Variants in RUNDC3B observed in about 807,000 individuals in gnomAD.
RUNDC3B encodes the protein RUN domain containing 3B.
In RUNDC3B, 33 loss-of-function variants were observed where a neutral mutation model predicts 58.4. The observed-to-expected ratio is 0.56, with a 90% CI of 0.43 to 0.75. The LOEUF (loss-of-function observed/expected upper bound fraction) is 0.75, where lower values mean the gene tolerates loss of function less well. RUNDC3B is among the 30% of genes least tolerant of loss of function. The pLI, the probability that RUNDC3B is intolerant of heterozygous loss-of-function variation, is 0.00. For missense variants in RUNDC3B, 501 were observed against 535.7 expected (o/e 0.94, Z 0.64); for synonymous variants, 193 against 195.2 (o/e 0.99, Z 0.10).
chr7:87,804,126 A>G (rs1203508586), intron 8 of RUNDC3B, among the ~76,000 whole-genome samples: 1 of 152,190 alleles, frequency 6.6e-6, no homozygotes, highest in Non-Finnish European at 1.5e-5. Context: ...GAACAGAAGT[A>G]GTCTGAAGAT....
At chr7:87,822,677 G>T (rs1173226875) in intron 10 of RUNDC3B, among the ~76,000 whole-genome samples, 1 of 152,154 alleles carries the variant, frequency 6.6e-6, no homozygotes, top group Non-Finnish European at 1.5e-5. Flanking sequence ...AGAAAATGTG[G>T]CACATATACA....
chr7:87,734,588 G>GCTAATTTCATGATTA (rs915790489), intron 4 of RUNDC3B, among the ~76,000 whole-genome samples: 2 of 151,916 alleles, frequency 1.3e-5, no homozygotes, highest in African/African-American at 4.8e-5. Context: ...CTCTACCAAT[G>GCTAATTTCATGATTA]CTAATTTCAT....
At chr7:87,724,330 G>C (rs1351608764) in intron 4 of RUNDC3B, among the ~76,000 whole-genome samples, 2 of 152,000 alleles carry the variant, frequency 1.3e-5, no homozygotes, top group South Asian at 2.1e-4. Flanking sequence ...CTAAAAGCAG[G>C]GATAGTTGTG....
intron 6 of RUNDC3B, among the ~76,000 whole-genome samples, chr7:87,760,136 A>T (rs1833596558): frequency 6.6e-6 from 1 of 151,512 alleles, no homozygotes; most frequent in Non-Finnish European, 1.5e-5. Flanking sequence ...ATCAATTACC[A>T]TAACTATAAC....
At chr7:87,749,925 T>A (rs925229508) in intron 6 of RUNDC3B, among the ~76,000 whole-genome samples, 5 of 152,002 alleles carry the variant, frequency 3.3e-5, no homozygotes, top group African/African-American at 4.8e-5. Context: ...ATGTGCACAA[T>A]GTGCAGGTTA....
chr7:87,799,060 A>G (rs1176760435), intron 8 of RUNDC3B, among the ~76,000 whole-genome samples: 2 of 152,226 alleles, frequency 1.3e-5, no homozygotes, highest in Non-Finnish European at 1.5e-5. Flanking sequence ...ATGTTTTCCA[A>G]TTCCAGGAAG....
chr7:87,689,132 A>T (rs1360774288), intron 2 of RUNDC3B, among the ~76,000 whole-genome samples: 1 of 152,090 alleles, frequency 6.6e-6, no homozygotes, highest in African/African-American at 2.4e-5. Flanking sequence ...AGATGATACT[A>T]TGAAAAGAGT....
chr7:87,649,967 A>G (rs1823413146), intron 1 of RUNDC3B, among the ~76,000 whole-genome samples: 1 of 152,188 alleles, frequency 6.6e-6, no homozygotes, highest in Non-Finnish European at 1.5e-5. Flanking sequence ...CCAGCCATGT[A>G]GAACAGTGAG....
chr7:87,679,110 T>G (rs999455438), intron 2 of RUNDC3B, among the ~76,000 whole-genome samples: 50 of 65,898 alleles, frequency 7.6e-4, no homozygotes, highest in African/African-American at 2.9e-3. Context: ...TTTTTTTTTT[T>G]GAGACAGAGT....
chr7:87,758,804 C>T (rs1833520729), intron 6 of RUNDC3B, among the ~76,000 whole-genome samples: 1 of 152,088 alleles, frequency 6.6e-6, no homozygotes, highest in Non-Finnish European at 1.5e-5. Context: ...GTTAAAATGT[C>T]CTTTATTCAA....
At chr7:87,779,023 C>T (rs117217285) in intron 8 of RUNDC3B, among the ~76,000 whole-genome samples, 4,570 of 152,214 alleles carry the variant, frequency 0.03, 67 homozygotes, top group Middle Eastern at 0.048. Context: ...TTTCCCTAAA[C>T]ACACATACAT....
intron 2 of RUNDC3B, among the ~76,000 whole-genome samples, chr7:87,691,899 T>G (rs1828050737): frequency 6.6e-6 from 1 of 152,306 alleles, no homozygotes; most frequent in Non-Finnish European, 1.5e-5. Context: ...GGCCTACCTT[T>G]TCTCATCTGT....
intron 4 of RUNDC3B, among the ~76,000 whole-genome samples, chr7:87,737,547 A>G (rs1321593774): frequency 6.6e-6 from 1 of 152,166 alleles, no homozygotes; most frequent in African/African-American, 2.4e-5. Context: ...TAAAAATATT[A>G]TCTTCTCAGA....
intron 3 of RUNDC3B, among the ~76,000 whole-genome samples, chr7:87,703,885 C>CTTTTTTTTTT: frequency 9.8e-4 from 59 of 60,270 alleles, no homozygotes; most frequent in South Asian, 1.3e-3. Context: ...TCAGTTTTTT[C>CTTTTTTTTTT]TTTTTTTTTT....
chr7:87,815,371 A>G (rs981697580), intron 9 of RUNDC3B, among the ~76,000 whole-genome samples: 1 of 152,120 alleles, frequency 6.6e-6, no homozygotes, highest in Non-Finnish European at 1.5e-5. Context: ...CCACTTATAT[A>G]TGGAAATAAT....
chr7:87,673,226 C>G (rs777721235), intron 2 of RUNDC3B, among the ~76,000 whole-genome samples: 24 of 152,110 alleles, frequency 1.6e-4, no homozygotes, highest in Non-Finnish European at 1.2e-4. Context: ...TAGTATTTTG[C>G]AGGATTCTCT....
At chr7:87,647,932 C>T (rs1823180742) in intron 1 of RUNDC3B, among the ~76,000 whole-genome samples, 1 of 151,988 alleles carries the variant, frequency 6.6e-6, no homozygotes, top group Admixed American at 6.5e-5. Flanking sequence ...TGCCTGTAAT[C>T]CCAACACTTT....
chr7:87,693,893 AT>A (rs772532912), intron 2 of RUNDC3B: 1,311 of 1,444,390 alleles, frequency 9.1e-4, no homozygotes, highest in South Asian at 2.2e-3. Flanking sequence ...TGTTGTTGTT[AT>A]TTTTTTTTTA....
At chr7:87,809,734 C>T (rs1836611810) in intron 9 of RUNDC3B, among the ~76,000 whole-genome samples, 1 of 152,028 alleles carries the variant, frequency 6.6e-6, no homozygotes, top group Admixed American at 6.5e-5. Context: ...TAAATAAATC[C>T]AACTGTCTCA....
Sources: gnomAD v4.1 joint callset for allele counts (sites outside exome capture counted in the v4.1 genomes callset) on GRCh38, gnomAD v4.1.1 for gene constraint, MANE v1.5 for transcripts, NCBI Gene and HGNC (gene_info 2026-07-23, HGNC 2026-07-21) for gene names.